NRXN3: variants seen among roughly 807,000 people sequenced by gnomAD.
The protein encoded by NRXN3 is neurexin III.
NRXN3 carries 32 observed loss-of-function variants against 137.6 expected under a neutral mutation model. The ratio of observed to expected loss-of-function variants is 0.23; its 90% CI spans 0.18 to 0.31. The LOEUF (loss-of-function observed/expected upper bound fraction) is 0.31, where lower values mean the gene tolerates loss of function less well. Ranked by LOEUF, NRXN3 falls within the 10% of genes least tolerant of loss-of-function variation. NRXN3 has a pLI of 1.00. For missense variants in NRXN3, 1,574 were observed against 2,062.5 expected (o/e 0.76, Z 4.59); for synonymous variants, 798 against 784.5 (o/e 1.02, Z -0.29).
intron 2 of NRXN3, among the ~76,000 whole-genome samples, chr14:78,245,328 C>T (rs1222227934): frequency 6.6e-6 from 1 of 152,132 alleles, no homozygotes; most frequent in Non-Finnish European, 1.5e-5. Flanking sequence ...GGCATGGGAT[C>T]CAAGCATTTG....
chr14:78,849,906 A>G (rs1315311019), intron 10 of NRXN3, among the ~76,000 whole-genome samples: 2 of 152,190 alleles, frequency 1.3e-5, no homozygotes, highest in East Asian at 3.9e-4. Flanking sequence ...AAGGGTGGAA[A>G]GAAATGTTGA....
intron 2 of NRXN3, among the ~76,000 whole-genome samples, chr14:78,248,303 C>CCCCCCA (rs2068013083): frequency 1.4e-4 from 2 of 14,452 alleles, no homozygotes; most frequent in Non-Finnish European, 7.6e-4. Flanking sequence ...CCGCCCCCCG[C>CCCCCCA]CCCCCCCCCC....
chr14:78,870,709 G>A (rs1260272607), intron 10 of NRXN3, among the ~76,000 whole-genome samples: 1 of 151,408 alleles, frequency 6.6e-6, no homozygotes, highest in Non-Finnish European at 1.5e-5. Flanking sequence ...CCAGTCTCTG[G>A]TAGCCATCAT....
chr14:78,832,961 C>A (rs1457284788), intron 10 of NRXN3, among the ~76,000 whole-genome samples: 4 of 152,244 alleles, frequency 2.6e-5, no homozygotes, highest in Admixed American at 2.6e-4. Context: ...AATTTACAAT[C>A]TAAGTTTCAC....
At chr14:78,788,079 C>A (rs991623206) in intron 8 of NRXN3, among the ~76,000 whole-genome samples, 1 of 152,062 alleles carries the variant, frequency 6.6e-6, no homozygotes, top group African/African-American at 2.4e-5. Context: ...TCAAGATTTA[C>A]GTAAGGGAAA....
intron 15 of NRXN3, among the ~76,000 whole-genome samples, chr14:79,083,329 C>T (rs1009329098): frequency 2.0e-5 from 3 of 152,052 alleles, no homozygotes; most frequent in East Asian, 1.9e-4. Context: ...GGGAACCACA[C>T]GAGGGAAAGG....
intron 15 of NRXN3, among the ~76,000 whole-genome samples, chr14:79,462,381 AT>A (rs201887106): frequency 0.023 from 3,540 of 152,030 alleles, 146 homozygotes; most frequent in African/African-American, 0.081. Context: ...CTCAAAAAAA[AT>A]AAATAAATAA....
chr14:79,459,184 T>C (rs1410631896), intron 15 of NRXN3, among the ~76,000 whole-genome samples: 1 of 152,126 alleles, frequency 6.6e-6, no homozygotes, highest in Non-Finnish European at 1.5e-5. Flanking sequence ...ATTCTATAGC[T>C]TCCCTCATCT....
At chr14:79,593,825 A>G (rs2097835153) in intron 16 of NRXN3, among the ~76,000 whole-genome samples, 1 of 152,176 alleles carries the variant, frequency 6.6e-6, no homozygotes, top group Admixed American at 6.5e-5. Flanking sequence ...TAAAATATTA[A>G]CATTCAATAT....
chr14:79,794,063 C>G (rs1193973156), intron 19 of NRXN3, among the ~76,000 whole-genome samples: 1 of 152,120 alleles, frequency 6.6e-6, no homozygotes, highest in African/African-American at 2.4e-5. Flanking sequence ...GCAAGCCAAG[C>G]CTTTCTGATT....
At chr14:79,492,004 C>T (rs1046129919) in intron 16 of NRXN3, among the ~76,000 whole-genome samples, 1 of 152,110 alleles carries the variant, frequency 6.6e-6, no homozygotes, top group Admixed American at 6.5e-5. Flanking sequence ...TAAGTGAGCA[C>T]CTTCCTGCTT....
chr14:79,537,427 G>A (rs1228980334), intron 16 of NRXN3, among the ~76,000 whole-genome samples: 12 of 152,062 alleles, frequency 7.9e-5, no homozygotes, highest in Non-Finnish European at 1.5e-5. Context: ...ATCTCCTAAT[G>A]CTATCCCTCC....
chr14:78,759,560 C>T (rs1024053689), intron 8 of NRXN3, among the ~76,000 whole-genome samples: 18 of 152,198 alleles, frequency 1.2e-4, no homozygotes, highest in Non-Finnish European at 2.9e-5. Flanking sequence ...CATCACTCAT[C>T]AGTCTTGGCA....
chr14:78,762,445 A>G (rs2098695622), intron 8 of NRXN3, among the ~76,000 whole-genome samples: 1 of 152,194 alleles, frequency 6.6e-6, no homozygotes, highest in Non-Finnish European at 1.5e-5. Flanking sequence ...AAAGCTACGC[A>G]ATCTCTTTGA....
At chr14:79,220,162 T>G (rs953129352) in intron 15 of NRXN3, among the ~76,000 whole-genome samples, 10 of 152,218 alleles carry the variant, frequency 6.6e-5, no homozygotes, top group African/African-American at 2.4e-4. Flanking sequence ...TAAGATCTGC[T>G]TTTCTGTTTA....
intron 19 of NRXN3, among the ~76,000 whole-genome samples, chr14:79,775,996 C>G (rs1425673432): frequency 6.6e-6 from 1 of 152,028 alleles, no homozygotes; most frequent in Non-Finnish European, 1.5e-5. Context: ...TCATAAATAG[C>G]CAAGGAATGA....
At chr14:78,908,961 T>C (rs1339739800) in intron 10 of NRXN3, among the ~76,000 whole-genome samples, 3 of 152,160 alleles carry the variant, frequency 2.0e-5, no homozygotes, top group Non-Finnish European at 2.9e-5. Context: ...AAAACATTCA[T>C]CTTGTTCATT....
chr14:78,696,445 G>A (rs898385700), intron 6 of NRXN3, among the ~76,000 whole-genome samples: 6 of 151,980 alleles, frequency 3.9e-5, no homozygotes, highest in African/African-American at 1.2e-4. Flanking sequence ...TGAGGTAAAT[G>A]TACTATTGTT....
intron 7 of NRXN3, chr14:78,709,888 T>G (rs957813084): frequency 1.9e-6 from 1 of 521,816 alleles, no homozygotes; most frequent in African/African-American, 1.9e-5. Context: ...CAGTGATAGC[T>G]CTACGATCCT....
Sources: gnomAD v4.1 joint callset for allele counts (sites outside exome capture counted in the v4.1 genomes callset) on GRCh38, gnomAD v4.1.1 for gene constraint, MANE v1.5 for transcripts, NCBI Gene and HGNC (gene_info 2026-07-23, HGNC 2026-07-21) for gene names.